STK32B: variants seen among roughly 807,000 people sequenced by gnomAD.
The protein encoded by STK32B is serine/threonine kinase 32B, also known as serine/threonine-protein kinase 32B.
STK32B carries 43 observed loss-of-function variants against 52.6 expected under a neutral mutation model. That is an observed-to-expected ratio of 0.82 (90% CI 0.64 to 1.05). STK32B has a LOEUF of 1.05. Among genes scored for constraint, STK32B ranks in the 50% least tolerant of loss-of-function variants. The probability of loss-of-function intolerance (pLI) is 0.00; values close to 1 mark genes in which losing one functional copy is unlikely to be tolerated. For missense variants in STK32B, 621 were observed against 534.6 expected (o/e 1.16, Z -1.59); for synonymous variants, 238 against 204.3 (o/e 1.17, Z -1.41).
intron 4 of STK32B, among the ~76,000 whole-genome samples, chr4:5,369,880 G>GTTTT (rs1378410953): frequency 6.6e-6 from 1 of 151,358 alleles, no homozygotes; most frequent in Non-Finnish European, 1.5e-5. Context: ...TTGTTTGTTT[G>GTTTT]TTTGTTTTTT....
intron 4 of STK32B, among the ~76,000 whole-genome samples, chr4:5,357,056 CATATATACACACAT>C (rs562918104): frequency 2.0e-5 from 3 of 150,282 alleles, no homozygotes; most frequent in African/African-American, 7.4e-5. Context: ...TACACACACA[CATATATACACACAT>C]ATACACACAC....
At chr4:5,240,872 G>C (rs1280087139) in intron 3 of STK32B, among the ~76,000 whole-genome samples, 1 of 152,096 alleles carries the variant, frequency 6.6e-6, no homozygotes, top group Non-Finnish European at 1.5e-5. Flanking sequence ...ATATTTGTGT[G>C]TATCTGAGCT....
rs1720569200 is a variant in STK32B at position 5,499,507 on chromosome 4, T to C, written c.*424T>C. The stretch of plus-strand genomic sequence containing the variant: ...ACTTTGCAATTTGGCACATCCTAGC[T>C]TGTTAGAGGGCACTTCCGAAAAACA... On this transcript the variant is annotated 3_prime_UTR_variant, in exon 12 of 12. Coordinates refer to ENST00000282908, the MANE Select transcript of STK32B (RefSeq NM_018401.3). 6.3e-6 allele frequency: 1 copy of C among 159,222 alleles called. No homozygotes were observed. 9.9% of individuals were successfully genotyped at this position (159,222 alleles called of 1,614,324 possible). A position where few individuals can be genotyped will look rare whatever the true frequency, so the allele number is the denominator to read the frequency against.
At chr4:5,457,481 C>T (rs1279979220) in intron 8 of STK32B, among the ~76,000 whole-genome samples, 1 of 151,388 alleles carries the variant, frequency 6.6e-6, no homozygotes, top group Non-Finnish European at 1.5e-5. Context: ...TCCCAAAGTG[C>T]TGGGATTACA....
intron 1 of STK32B, among the ~76,000 whole-genome samples, chr4:5,052,251 C>A (rs994756021): frequency 6.6e-6 from 1 of 152,026 alleles, no homozygotes; most frequent in African/African-American, 2.4e-5. Context: ...GGCTCGGGCT[C>A]CCCAGGAAAC....
Position 5,444,488 on chromosome 4 carries a change from T to C in STK32B, c.563-2185T>C, listed in dbSNP as rs546515623. On this transcript the variant is annotated intron_variant, in intron 6 of 11. Coordinates refer to ENST00000282908, the MANE Select transcript of STK32B (RefSeq NM_018401.3). ...CGCACTGTGCGCACACCCACTGACC[T>C]GCGCCCACTGTCTGGCACTCCCTAG... 1.1e-4 allele frequency among the ~76,000 whole-genome samples: 16 copies of C among 152,304 alleles called. No homozygotes were observed. The East Asian group carries it at 3.1e-3, about 30-fold the overall frequency.
At chr4:5,025,039 G>A in the STK32B span, among the ~76,000 whole-genome samples, 3 of 152,132 alleles carry the variant, frequency 2.0e-5, no homozygotes, top group Admixed American at 1.3e-4. Flanking sequence ...ACCTTCATTC[G>A]TGGGTCTCTT....
intron 4 of STK32B, among the ~76,000 whole-genome samples, chr4:5,339,894 G>T (rs1368923309): frequency 6.6e-6 from 1 of 152,132 alleles, no homozygotes; most frequent in Non-Finnish European, 1.5e-5. Flanking sequence ...CTGTCTGGGG[G>T]AACTGGCCTT....
chr4:5,105,612 G>A (rs934694612), intron 1 of STK32B, among the ~76,000 whole-genome samples: 3 of 151,928 alleles, frequency 2.0e-5, no homozygotes, highest in Non-Finnish European at 2.9e-5. Flanking sequence ...CACCCAGGCT[G>A]GAGTGTAGTG....
In STK32B at chr4:5,229,812, A is replaced by C. The variant is rs541682721; in HGVS notation, c.260+61362A>C. Among the ~76,000 whole-genome samples the C allele has an allele frequency of 9.9e-5, 15 of 152,232 alleles. No homozygotes were observed. The South Asian group carries it at 2.9e-3, about 30-fold the overall frequency. ...AATGTGTTTCATTTTTGTGTTTCTA[A>C]GTGAGTATAAGGAAAATTATAGAAT... On this transcript the variant is annotated intron_variant, in intron 3 of 11. Transcript: ENST00000282908.
At chr4:5,490,199 C>G (rs552090548) in intron 11 of STK32B, among the ~76,000 whole-genome samples, 2 of 151,886 alleles carry the variant, frequency 1.3e-5, no homozygotes, top group African/African-American at 4.8e-5. Flanking sequence ...CTCTACCTCC[C>G]GGGTTCAAGC....
chr4:5,411,026 A>G (rs1711619000), intron 5 of STK32B, among the ~76,000 whole-genome samples: 1 of 150,136 alleles, frequency 6.7e-6, no homozygotes, highest in Non-Finnish European at 1.5e-5. Context: ...TCACCTCCTA[A>G]AGGCCCCATC....
At chr4:5,317,588 T>G (rs1731189866) in intron 3 of STK32B, among the ~76,000 whole-genome samples, 1 of 134,162 alleles carries the variant, frequency 7.5e-6, no homozygotes, top group South Asian at 2.2e-4. Flanking sequence ...AGGAGGACAT[T>G]AGGCTTAACC....
At chr4:5,072,110 A>G (rs981833576) in intron 1 of STK32B, among the ~76,000 whole-genome samples, 1 of 152,182 alleles carries the variant, frequency 6.6e-6, no homozygotes. Flanking sequence ...TGAAACCTAT[A>G]GGGCAGAGGT....
At chr4:5,397,977 G>T (rs1235873667) in intron 4 of STK32B, among the ~76,000 whole-genome samples, 1 of 152,154 alleles carries the variant, frequency 6.6e-6, no homozygotes, top group Non-Finnish European at 1.5e-5. Flanking sequence ...GAATATTCAG[G>T]AAAAAATATT....
At chr4:5,151,856 G>T (rs1299869498) in intron 2 of STK32B, among the ~76,000 whole-genome samples, 1 of 152,174 alleles carries the variant, frequency 6.6e-6, no homozygotes, top group Non-Finnish European at 1.5e-5. Context: ...TCTCCAGCAT[G>T]CTTTTGGATC....
intron 3 of STK32B, among the ~76,000 whole-genome samples, chr4:5,312,963 T>C (rs978259484): frequency 1.3e-5 from 2 of 152,022 alleles, no homozygotes; most frequent in Admixed American, 1.3e-4. Flanking sequence ...TGCATACTTT[T>C]AAATTCATTT....
At chr4:5,288,646 A>G (rs1728697542) in intron 3 of STK32B, among the ~76,000 whole-genome samples, 1 of 152,128 alleles carries the variant, frequency 6.6e-6, no homozygotes, top group Non-Finnish European at 1.5e-5. Flanking sequence ...AACATCTCTT[A>G]TCAGATATAG....
chr4:5,127,062 A>AT, intron 1 of STK32B: 1 of 500,298 alleles, frequency 2.0e-6, no homozygotes, highest in South Asian at 1.5e-5. Context: ...TGCCATGGAC[A>AT]TTGGTGCTGC....
Sources: gnomAD v4.1 joint callset for allele counts (sites outside exome capture counted in the v4.1 genomes callset) on GRCh38, gnomAD v4.1.1 for gene constraint, MANE v1.5 for transcripts, NCBI Gene and HGNC (gene_info 2026-07-23, HGNC 2026-07-21) for gene names.